The following SLC14A2 variants were observed in gnomAD, a reference collection of about 807,000 sequenced individuals.
SLC14A2 encodes the protein solute carrier family 14 member 2.
SLC14A2 carries 91 observed loss-of-function variants against 104.6 expected under a neutral mutation model. The observed-to-expected ratio is 0.87, with a 90% confidence interval of 0.73 to 1.04. SLC14A2 has a LOEUF of 1.04. SLC14A2 is among the 50% of genes least tolerant of loss of function. SLC14A2 has a pLI of 0.00. For missense variants in SLC14A2, 1,189 were observed against 1,156.0 expected (o/e 1.03, Z -0.41); for synonymous variants, 476 against 466.4 (o/e 1.02, Z -0.27).
At chr18:45,452,172 T>C (rs1187806138) in intron 1 of SLC14A2, among the ~76,000 whole-genome samples, 11 of 152,304 alleles carry the variant, frequency 7.2e-5, no homozygotes, top group Middle Eastern at 3.4e-3. Flanking sequence ...GGCAAGACAC[T>C]GTAGAAGTTT....
intron 2 of SLC14A2, among the ~76,000 whole-genome samples, chr18:45,605,328 G>A (rs1224059074): frequency 6.6e-6 from 1 of 152,048 alleles, no homozygotes; most frequent in Non-Finnish European, 1.5e-5. Flanking sequence ...ACCCCTCAGG[G>A]CAAACTCCCC....
At chr18:45,476,399 G>A (rs995665833) in intron 1 of SLC14A2, among the ~76,000 whole-genome samples, 26 of 152,156 alleles carry the variant, frequency 1.7e-4, no homozygotes, top group Non-Finnish European at 3.1e-4. Context: ...CTTTCTCTCT[G>A]ACTGCCCTTA....
At chr18:45,361,312 G>T (rs2085608681) in intron 1 of SLC14A2, among the ~76,000 whole-genome samples, 1 of 152,072 alleles carries the variant, frequency 6.6e-6, no homozygotes, top group South Asian at 2.1e-4. Flanking sequence ...ATAAGGGGGT[G>T]GCCTTCTGCT....
chr18:45,507,791 T>C (rs977873108), intron 2 of SLC14A2, among the ~76,000 whole-genome samples: 3 of 152,240 alleles, frequency 2.0e-5, no homozygotes, highest in African/African-American at 7.2e-5. Context: ...AGAGTGTCCC[T>C]GTAACTCTCC....
the SLC14A2 span, among the ~76,000 whole-genome samples, chr18:45,174,361 T>C: frequency 2.6e-5 from 4 of 152,100 alleles, no homozygotes; most frequent in African/African-American, 9.7e-5. Context: ...TCCTCGACAA[T>C]TTCCCTCAAA....
intron 1 of SLC14A2, among the ~76,000 whole-genome samples, chr18:45,477,099 T>G (rs1226113102): frequency 6.6e-6 from 1 of 152,224 alleles, no homozygotes; most frequent in Non-Finnish European, 1.5e-5. Context: ...GCACTGGTTT[T>G]TCCTCATCTT....
intron 2 of SLC14A2, among the ~76,000 whole-genome samples, chr18:45,557,325 G>A (rs569831302): frequency 7.9e-5 from 12 of 152,212 alleles, no homozygotes; most frequent in Non-Finnish European, 1.6e-4. Context: ...CTGCCATGCT[G>A]AGCTTGATGT....
At chr18:45,231,758 G>T (rs2084176965) in intron 1 of SLC14A2, among the ~76,000 whole-genome samples, 2 of 152,188 alleles carry the variant, frequency 1.3e-5, no homozygotes, top group African/African-American at 4.8e-5. Flanking sequence ...CTTCAGTTAT[G>T]CTATGCTATG....
chr18:45,207,404 A>G, the SLC14A2 span, among the ~76,000 whole-genome samples: 2 of 150,464 alleles, frequency 1.3e-5, no homozygotes, highest in Non-Finnish European at 3.0e-5. Flanking sequence ...GGGGAGGAAA[A>G]GAGAGAGAAA....
At chr18:45,638,180 G>A (rs1202949444) in intron 6 of SLC14A2, among the ~76,000 whole-genome samples, 1 of 152,160 alleles carries the variant, frequency 6.6e-6, no homozygotes, top group Non-Finnish European at 1.5e-5. Flanking sequence ...CTTCCAGCCT[G>A]TTCCCAACAT....
At chr18:45,468,900 T>C (rs969840957) in intron 1 of SLC14A2, among the ~76,000 whole-genome samples, 2 of 152,206 alleles carry the variant, frequency 1.3e-5, no homozygotes, top group African/African-American at 4.8e-5. Flanking sequence ...ACATAATCCC[T>C]GAGGTGTCAA....
rs1265547597 is a variant in SLC14A2, at chr18:45,331,529, AAAT to A, written c.-125+118341_-125+118343del. ...ACACGTGAAACCCTGTCTGTACTAA[AAAT>A]AAAAAAAAATTAGCCGGGCGTGGTG... On this transcript the variant is annotated intron_variant, in intron 1 of 20. Transcript: ENST00000586448. Among the ~76,000 whole-genome samples the A allele has an allele frequency of 6.7e-5, 10 of 150,376 alleles. No individual in the cohort carries two copies. The East Asian group carries it at 2.0e-3, about 30-fold the overall frequency.
chr18:45,648,996 C>G (rs1425461540), intron 10 of SLC14A2, among the ~76,000 whole-genome samples: 1 of 151,976 alleles, frequency 6.6e-6, no homozygotes, highest in East Asian at 1.9e-4. Context: ...ATGGTGAAAC[C>G]CTGTCTCTAC....
intron 2 of SLC14A2, among the ~76,000 whole-genome samples, chr18:45,554,306 G>A (rs2044098898): frequency 6.6e-6 from 1 of 152,174 alleles, no homozygotes; most frequent in Admixed American, 6.5e-5. Flanking sequence ...GGGAAGAAGG[G>A]GGAAAGCAAC....
At chr18:45,457,683 AG>A (rs1306050813) in intron 1 of SLC14A2, among the ~76,000 whole-genome samples, 1 of 68,268 alleles carries the variant, frequency 1.5e-5, no homozygotes, top group Admixed American at 2.1e-4. Context: ...AAGGTTATGG[AG>A]GTTAAAAAAA....
intron 1 of SLC14A2, among the ~76,000 whole-genome samples, chr18:45,354,757 A>T (rs1336653236): frequency 6.6e-6 from 1 of 152,196 alleles, no homozygotes; most frequent in Non-Finnish European, 1.5e-5. Context: ...TATATGCTGC[A>T]CTTCCCCAAC....
At chr18:45,344,026 A>T (rs2085423138) in intron 1 of SLC14A2, among the ~76,000 whole-genome samples, 1 of 152,250 alleles carries the variant, frequency 6.6e-6, no homozygotes, top group Non-Finnish European at 1.5e-5. Context: ...GCATAAAAGC[A>T]GCTACAATTT....
intron 1 of SLC14A2, among the ~76,000 whole-genome samples, chr18:45,441,247 T>C (rs1219011611): frequency 1.3e-5 from 2 of 152,204 alleles, no homozygotes; most frequent in East Asian, 3.9e-4. Context: ...GCTTGGGAAA[T>C]GCTAAGAAAT....
At position 45,668,358 on chromosome 18, in the gene SLC14A2, C is replaced by A. The variant is rs141424838; in HGVS notation, c.1917C>A (p.Ile639=). 1.9e-6 allele frequency: 3 copies of A among 1,614,072 alleles called. No homozygotes were observed. The highest frequency in any genetic ancestry group is 2.5e-6 in the Non-Finnish European group (3 of 1,180,000). The change falls in exon 15 of 20, where the codon ATC becomes ATA. Residue 639 remains isoleucine (I), a synonymous_variant. Transcript: ENST00000255226. ...ALILSQDKSA[I]AAGFHGYNGV... ...CTCCCTCTCCTGCCAGGTCGGCCAT[C>A]GCTGCAGGATTTCACGGCTACAATG...
Sources: allele counts gnomAD v4.1 joint callset (sites outside exome capture counted in the v4.1 genomes callset), GRCh38; gene constraint gnomAD v4.1.1; transcripts MANE v1.5; gene names NCBI Gene and HGNC (gene_info 2026-07-23, HGNC 2026-07-21).